PPARGC1A: variants seen among roughly 807,000 people sequenced by gnomAD.
The protein encoded by PPARGC1A is peroxisome proliferator-activated receptor gamma coactivator 1-alpha.
In PPARGC1A, 25 loss-of-function variants were observed where a neutral mutation model predicts 88.7. The observed-to-expected ratio is 0.28, with a 90% CI of 0.21 to 0.39. The LOEUF is 0.39. Among genes scored for constraint, PPARGC1A ranks in the 10% least tolerant of loss-of-function variants. The pLI, the probability that PPARGC1A is intolerant of heterozygous loss-of-function variation, is 1.00. For missense variants in PPARGC1A, 880 were observed against 968.7 expected (o/e 0.91, Z 1.22); for synonymous variants, 363 against 355.6 (o/e 1.02, Z -0.24).
the PPARGC1A span, among the ~76,000 whole-genome samples, chr4:24,028,958 G>A: frequency 6.6e-5 from 10 of 151,990 alleles, no homozygotes; most frequent in South Asian, 1.0e-3. Context: ...GTCTATGACC[G>A]ATTAGAATTT....
chr4:24,461,556 A>ATATC, the PPARGC1A span, among the ~76,000 whole-genome samples: 16 of 152,140 alleles, frequency 1.1e-4, no homozygotes, highest in East Asian at 2.5e-3. Flanking sequence ...TATTTTGTGT[A>ATATC]TATCTATTCA....
chr4:24,209,595 TA>T, the PPARGC1A span, among the ~76,000 whole-genome samples: 1 of 152,170 alleles, frequency 6.6e-6, no homozygotes, highest in Non-Finnish European at 1.5e-5. Flanking sequence ...TATCCTGTGC[TA>T]GCTAGTAGAT....
At chr4:24,046,180 T>C in the PPARGC1A span, among the ~76,000 whole-genome samples, 1 of 152,172 alleles carries the variant, frequency 6.6e-6, no homozygotes, top group African/African-American at 2.4e-5. Context: ...CTATAATGGT[T>C]TGGAAAGCAG....
At chr4:23,883,629 G>A (rs1323845833) in intron 2 of PPARGC1A, 2 of 152,150 alleles carry the variant, frequency 1.3e-5, no homozygotes, top group Non-Finnish European at 2.9e-5. Flanking sequence ...ACAATAGGTT[G>A]TTTTCAAGGA....
At chr4:23,985,085 T>C in the PPARGC1A span, among the ~76,000 whole-genome samples, 1 of 152,124 alleles carries the variant, frequency 6.6e-6, no homozygotes, top group African/African-American at 2.4e-5. Flanking sequence ...TTCGTGAAAG[T>C]TTGGAGGACA....
the PPARGC1A span, among the ~76,000 whole-genome samples, chr4:24,051,774 G>A: frequency 6.6e-6 from 1 of 152,092 alleles, no homozygotes; most frequent in Non-Finnish European, 1.5e-5. Flanking sequence ...ACAAGTTTGA[G>A]TCAAGGAGCA....
Position 23,897,714 on chromosome 4 carries a change from G to A in PPARGC1A, n.52+1553C>T, listed in dbSNP as rs567085303. On this transcript the variant is annotated intron_variant and non_coding_transcript_variant, in intron 1 of 3. Coordinates refer to the PPARGC1A transcript ENST00000507342. ...CAATACAGATATTTAACCACTCAAC[G>A]ATTCTAGAAAAAGAATACTAGAGAA... Among the ~76,000 whole-genome samples, 22 of 152,268 alleles carry A rather than the reference G, an allele frequency of 1.4e-4. No homozygotes were observed. In the South Asian group the frequency reaches 2.9e-3, roughly 20 times the overall value.
chr4:24,117,473 CT>C, the PPARGC1A span, among the ~76,000 whole-genome samples: 1 of 151,772 alleles, frequency 6.6e-6, no homozygotes, highest in South Asian at 2.1e-4. Context: ...AACTTCTGCC[CT>C]TTTTTTCTTT....
the PPARGC1A span, among the ~76,000 whole-genome samples, chr4:24,110,894 A>T: frequency 6.6e-6 from 1 of 152,356 alleles, no homozygotes; most frequent in African/African-American, 2.4e-5. Flanking sequence ...AAAACATGAA[A>T]GAAACATGTC....
chr4:24,312,971 AG>A, the PPARGC1A span, among the ~76,000 whole-genome samples: 1 of 152,228 alleles, frequency 6.6e-6, no homozygotes, highest in Non-Finnish European at 1.5e-5. Context: ...CCAAAGAAAA[AG>A]GATATTTCAA....
At chr4:24,208,067 C>G in the PPARGC1A span, among the ~76,000 whole-genome samples, 1 of 151,954 alleles carries the variant, frequency 6.6e-6, no homozygotes, top group Non-Finnish European at 1.5e-5. Context: ...TCACTTGAGA[C>G]CAGGAGTTTG....
chr4:23,813,561 C>T (rs1721345681), intron 8 of PPARGC1A, 129 bp downstream of exon 8: 3 of 799,350 alleles, frequency 3.8e-6, no homozygotes, highest in Non-Finnish European at 1.9e-6. Flanking sequence ...TCGTTAGTTC[C>T]AGCAGTGCCA....
chr4:24,221,069 G>T, the PPARGC1A span, among the ~76,000 whole-genome samples: 125,298 of 152,106 alleles, frequency 0.82, 52,479 homozygotes, highest in East Asian at 0.93. Context: ...AAAATAAATC[G>T]TAATTCATTC....
the PPARGC1A span, among the ~76,000 whole-genome samples, chr4:23,937,512 G>GTAAAA: frequency 6.6e-6 from 1 of 151,010 alleles, no homozygotes; most frequent in South Asian, 2.1e-4. Context: ...ATAAAATAAA[G>GTAAAA]TAAAATAAAA....
chr4:23,963,348 A>G, the PPARGC1A span, among the ~76,000 whole-genome samples: 1 of 152,174 alleles, frequency 6.6e-6, no homozygotes, highest in East Asian at 1.9e-4. Context: ...ACCATTGACA[A>G]TCTTTACTTT....
At chr4:24,016,728 ATTTG>A in the PPARGC1A span, among the ~76,000 whole-genome samples, 1 of 152,160 alleles carries the variant, frequency 6.6e-6, no homozygotes, top group Non-Finnish European at 1.5e-5. Flanking sequence ...TTGAGATAAA[ATTTG>A]TTTATTTTAT....
chr4:24,296,010 G>GTATATATGTGTGTA, the PPARGC1A span, among the ~76,000 whole-genome samples: 3 of 150,490 alleles, frequency 2.0e-5, no homozygotes, highest in Non-Finnish European at 3.0e-5. Context: ...ATGTATGTGT[G>GTATATATGTGTGTA]TATATATATG....
chr4:24,110,070 G>A, the PPARGC1A span, among the ~76,000 whole-genome samples: 1 of 152,162 alleles, frequency 6.6e-6, no homozygotes, highest in Admixed American at 6.5e-5. Context: ...AGACCAGACT[G>A]TGCTTCCTTC....
At chr4:24,337,763 G>A in the PPARGC1A span, among the ~76,000 whole-genome samples, 6 of 150,962 alleles carry the variant, frequency 4.0e-5, no homozygotes, top group African/African-American at 9.7e-5. Flanking sequence ...AAGAAAGGGC[G>A]AAACCAAATG....
Sources: allele counts gnomAD v4.1 joint callset (sites outside exome capture counted in the v4.1 genomes callset), GRCh38; gene constraint gnomAD v4.1.1; transcripts MANE v1.5; gene names NCBI Gene and HGNC (gene_info 2026-07-23, HGNC 2026-07-21).